Variants in DKK4 observed in about 807,000 individuals in gnomAD.
DKK4 encodes dickkopf-related protein 4.
DKK4 carries 15 observed loss-of-function variants against 14.5 expected under a neutral mutation model. That is an observed-to-expected ratio of 1.03 (90% CI 0.69 to 1.59). The LOEUF is 1.59. DKK4 is among the 40% of genes most tolerant of loss of function. DKK4 has a pLI of 0.00. For missense variants in DKK4, 272 were observed against 280.3 expected, an observed-to-expected ratio of 0.97 and a Z score of 0.21; for synonymous variants, 89 against 105.2, an observed-to-expected ratio of 0.85 and a Z score of 0.94.
chr8:42,382,645 G>A, the DKK4 span, among the ~76,000 whole-genome samples: 12 of 152,350 alleles, frequency 7.9e-5, no homozygotes, highest in African/African-American at 2.2e-4. Context: ...AAAGGAAGCC[G>A]TCGTGCGAAG....
chr8:42,388,449 C>T, the DKK4 span, among the ~76,000 whole-genome samples: 4 of 151,676 alleles, frequency 2.6e-5, no homozygotes, highest in African/African-American at 7.3e-5. Flanking sequence ...AGGCTGGTCT[C>T]GAACTCCTTA....
chr8:42,376,968 G>T lies in DKK4; in HGVS notation c.78C>A (p.Ile26=). 6.2e-7 allele frequency: 1 copy of T among 1,613,812 alleles called. No homozygotes were observed. Residue 26 remains isoleucine, a synonymous_variant, in exon 1 of 4, where the codon ATC becomes ATA. Transcript: ENST00000220812. ...CCCCATGCAGGTCAGCAGAGCTCCT[G>T]ATGTTGTTGAAGTCCAGGACCAGAG... ...LGALVLDFNN[I]RSSADLHGAR... is the part of the protein sequence containing the mutation.
chr8:42,381,851 G>T (rs1422255322), upstream of DKK4, among the ~76,000 whole-genome samples: 1 of 152,130 alleles, frequency 6.6e-6, no homozygotes, highest in African/African-American at 2.4e-5. Context: ...ACAAAAATTA[G>T]CTGGGCATGA....
upstream of DKK4, chr8:42,377,285 C>G (rs986090935): frequency 2.0e-6 from 1 of 494,386 alleles, no homozygotes; most frequent in Non-Finnish European, 3.6e-6. Flanking sequence ...CTCCCCGCTC[C>G]GTTCCTTCCT....
At chr8:42,378,826 G>T (rs1026687787), upstream of DKK4, among the ~76,000 whole-genome samples, 1 of 151,610 alleles carries the variant, frequency 6.6e-6, no homozygotes, top group African/African-American at 2.4e-5. Context: ...AACTCCAATG[G>T]CCGGGCACAG....
At chr8:42,382,352 C>T in the DKK4 span, among the ~76,000 whole-genome samples, 7 of 152,192 alleles carry the variant, frequency 4.6e-5, no homozygotes, top group South Asian at 8.3e-4. Flanking sequence ...CCTGTGGCAG[C>T]GTCTACTGCC....
At chr8:42,378,722 G>A (rs1348539712), upstream of DKK4, among the ~76,000 whole-genome samples, 2 of 151,990 alleles carry the variant, frequency 1.3e-5, no homozygotes, top group Non-Finnish European at 2.9e-5. Flanking sequence ...AGAACTGACG[G>A]GAACTCCTGT....
chr8:42,384,990 G>A, the DKK4 span, among the ~76,000 whole-genome samples: 3 of 152,238 alleles, frequency 2.0e-5, no homozygotes, highest in Non-Finnish European at 4.4e-5. Flanking sequence ...GGAAGTGACT[G>A]AGACTAAATG....
At chr8:42,388,736 A>C in the DKK4 span, among the ~76,000 whole-genome samples, 3 of 149,122 alleles carry the variant, frequency 2.0e-5, no homozygotes, top group Non-Finnish European at 3.0e-5. Flanking sequence ...ACGCCCAGCT[A>C]ATTTTTGTAT....
chr8:42,374,338 A>G lies in DKK4; in HGVS notation c.437T>C (p.Leu146Pro). 3.7e-6 allele frequency: 6 copies of G among 1,613,590 alleles called. No individual in the cohort carries two copies. Among genetic ancestry groups the G allele is most frequent in the Non-Finnish European group, 5.1e-6 (6 of 1,179,918 alleles). Residue 146 changes from leucine (L) to proline (P), a missense_variant, in exon 4 of 4, where the codon CTG becomes CCG. Leu to Pro is a moderately conservative substitution (Grantham distance 98). Transcript: ENST00000220812. ...GRKGQEGESC[L>P]RTFDCGPGLC... ...TCCAGGGCCACAGTCAAAAGTTCTCAGACAACTTTCTCCCTCTTGTCCTGT... is the reference window on the plus strand; with the variant it reads ...TCCAGGGCCACAGTCAAAAGTTCTCGGACAACTTTCTCCCTCTTGTCCTGT...
chr8:42,382,851 A>G, the DKK4 span, among the ~76,000 whole-genome samples: 1 of 152,308 alleles, frequency 6.6e-6, no homozygotes, highest in South Asian at 2.1e-4. Context: ...TTCTGCACTG[A>G]TTCCACTCTT....
the DKK4 span, among the ~76,000 whole-genome samples, chr8:42,390,422 G>A: frequency 7.3e-6 from 1 of 137,600 alleles, no homozygotes; most frequent in Non-Finnish European, 1.5e-5. Flanking sequence ...GGAGTGCAGT[G>A]GCGCGATCTC....
intron 2 of DKK4, 106 bp from the exon 3 acceptor site, chr8:42,375,019 G>C (rs1824531152): frequency 8.9e-7 from 1 of 1,120,556 alleles, no homozygotes; most frequent in Non-Finnish European, 1.3e-6. Flanking sequence ...TCTGCCTTCA[G>C]TTTATATATA....
chr8:42,382,546 T>C, the DKK4 span, among the ~76,000 whole-genome samples: 1 of 152,242 alleles, frequency 6.6e-6, no homozygotes, highest in Non-Finnish European at 1.5e-5. Context: ...CCTCACAGAA[T>C]TCACTCCACA....
upstream of DKK4, among the ~76,000 whole-genome samples, chr8:42,378,708 C>T (rs1003072372): frequency 1.3e-5 from 2 of 151,990 alleles, no homozygotes; most frequent in Non-Finnish European, 2.9e-5. Flanking sequence ...TATACACAGG[C>T]GAAAGAACTG....
chr8:42,384,563 C>T, the DKK4 span, among the ~76,000 whole-genome samples: 88 of 152,222 alleles, frequency 5.8e-4, 3 homozygotes, highest in East Asian at 0.017. Flanking sequence ...CTGTCCCAGG[C>T]TCCTACCTTG....
Position 42,374,814 on chromosome 8 carries a change from T to A in DKK4, c.362A>T (p.Gln121Leu). 1 of 1,614,144 alleles carries A rather than the reference T, an allele frequency of 6.2e-7. No individual in the cohort carries two copies. Among genetic ancestry groups the A allele is most frequent in the Admixed American group, 1.7e-5 (1 of 60,006 alleles). The change falls in exon 3 of 4, where the codon CAG becomes CTG. Residue 121 changes from glutamine (Q) to leucine (L), a missense_variant. Transcript: ENST00000220812. ...HAEGTTGHPV[Q>L]ENQPKRKPSI... Reference sequence around the variant, plus strand: ...TGGCTTCCTTTTGGGTTGGTTTTCCTGGACTGGGTGCCCAGTTGTTCCTTC... The same window carrying A: ...TGGCTTCCTTTTGGGTTGGTTTTCCAGGACTGGGTGCCCAGTTGTTCCTTC...
the DKK4 span, among the ~76,000 whole-genome samples, chr8:42,383,107 T>A: frequency 1.1e-3 from 169 of 152,292 alleles, no homozygotes; most frequent in African/African-American, 3.9e-3. Context: ...ACAGGAAATA[T>A]TCCATCAAAT....
At chr8:42,376,787 C>T (rs1824572573) in intron 1 of DKK4, 148 bp downstream of exon 1, 1 of 635,564 alleles carries the variant, frequency 1.6e-6, no homozygotes, top group Non-Finnish European at 2.8e-6. Flanking sequence ...CTGATCCTAC[C>T]AGGATGCCCT....
Sources: gnomAD v4.1 joint callset for allele counts (sites outside exome capture counted in the v4.1 genomes callset) on GRCh38, gnomAD v4.1.1 for gene constraint, MANE v1.5 for transcripts, NCBI Gene and HGNC (gene_info 2026-07-23, HGNC 2026-07-21) for gene names.